ZNF594: variants seen among roughly 807,000 people sequenced by gnomAD.
ZNF594 encodes zinc finger protein 594, also known as zinc finger protein HZF18.
For synonymous variants in ZNF594, 336 were observed against 309.4 expected (o/e 1.09, Z -0.90); for missense variants, 1,037 against 964.6 (o/e 1.08, Z -0.99).
chr17:5,181,117 T>C lies in ZNF594; in HGVS notation c.*716A>G. On this transcript the variant is annotated 3_prime_UTR_variant, in exon 2 of 2. Transcript: ENST00000575779. ...TGACTGACAAGGTGTGAGTTCTGAC[T>C]GAAGGCCTTCCAACATTCAGGGCAT... is the stretch of plus-strand genomic sequence containing the variant. 1 of 1,560,136 alleles carries C rather than the reference T, an allele frequency of 6.4e-7. No individual in the cohort carries two copies. Among genetic ancestry groups the C allele is most frequent in the Non-Finnish European group, 8.8e-7 (1 of 1,135,794 alleles).
rs2074361478 is a variant in ZNF594, at chr17:5,183,304, C to T, written c.953G>A (p.Ser318Asn). Residue 318 changes from serine to asparagine, a missense_variant, in exon 2 of 2, where the codon AGT becomes AAT. Ser to Asn is a conservative substitution (Grantham distance 46). Transcript: ENST00000575779. Reference sequence around the variant, plus strand: ...GTGACATTCATAGGGTTTCTCTCCACTGTGGAGTCTCTGGTGTTCAGTAAG... The same window carrying T: ...GTGACATTCATAGGGTTTCTCTCCATTGTGGAGTCTCTGGTGTTCAGTAAG... ...SHLTEHQRLH[S>N]GEKPYECHRC... The T allele has an allele frequency of 6.2e-7, 1 of 1,613,936 alleles. No individual in the cohort carries two copies. Among genetic ancestry groups the T allele is most frequent in the African/African-American group, 1.3e-5 (1 of 74,926 alleles).
rs762548384 is a variant in ZNF594, at chr17:5,181,171, G to A, written c.*662C>T. 16 of 1,609,626 alleles carry A rather than the reference G, an allele frequency of 9.9e-6. No individual in the cohort carries two copies. Among genetic ancestry groups the A allele is most frequent in the East Asian group, 4.5e-5 (2 of 44,876 alleles). ...TAGGGTTTCTCTCCAGTATGAACAC[G>A]ATGGTGTCTAATAAGATCTGAGCTG... On this transcript the variant is annotated 3_prime_UTR_variant, in exon 2 of 2. Transcript: ENST00000575779.
At position 5,180,390 on chromosome 17, in the gene ZNF594, G is replaced by A. The variant is rs2074331035; in HGVS notation, c.*1443C>T. The A allele has an allele frequency of 6.5e-6, 1 of 154,054 alleles. No homozygotes were observed. Among genetic ancestry groups the A allele is most frequent in the African/African-American group, 2.4e-5 (1 of 41,416 alleles). The allele number at this position is 154,054 out of a possible 1,614,324, so 9.5% of individuals were successfully genotyped here. A position where few individuals can be genotyped will look rare whatever the true frequency, so the allele number is the denominator to read the frequency against. Reference sequence around the variant, plus strand: ...TGGCCTACACTCATTACTTTCACAGGGTTTTTTCCCACATTTAAACTTGTC... The same window carrying A: ...TGGCCTACACTCATTACTTTCACAGAGTTTTTTCCCACATTTAAACTTGTC... On this transcript the variant is annotated 3_prime_UTR_variant, in exon 2 of 2. Transcript: ENST00000575779.
chr17:5,183,785 TACAC>T lies in ZNF594; in HGVS notation c.468_471del (p.Cys157MetfsTer42), dbSNP rs2074367228. The T allele has an allele frequency of 6.2e-7, 1 of 1,614,146 alleles. No individual in the cohort carries two copies. The highest frequency in any genetic ancestry group is 8.5e-7 in the Non-Finnish European group (1 of 1,180,028). On this transcript the variant is annotated frameshift_variant, in exon 2 of 2. Coordinates refer to ENST00000575779, the MANE Select transcript of ZNF594 (RefSeq NM_032530.2). LOFTEE classifies it low-confidence loss of function (END_TRUNC). The stretch of plus-strand genomic sequence containing the variant: ...TGATTAGAGTCTTTCCCACATTCAT[TACAC>T]ACATATGGCTTATTTCCTGTATGAA...
intron 1 of ZNF594, among the ~76,000 whole-genome samples, chr17:5,186,708 C>T (rs2144257037): frequency 6.6e-6 from 1 of 152,356 alleles, no homozygotes; most frequent in South Asian, 2.1e-4. Context: ...CCAAGTCACA[C>T]CTTGAATGTT....
Position 5,183,548 on chromosome 17 carries a change from T to TC in ZNF594, c.708dup (p.Lys237GlufsTer7). On this transcript the variant is annotated frameshift_variant, in exon 2 of 2. Transcript: ENST00000575779. LOFTEE classifies it low-confidence loss of function (END_TRUNC). ...CCACATTTATTGCATAAATATGGCT[T>TC]CCCCCTACTGTGGATTCTCTGGTGC... is the stretch of plus-strand genomic sequence containing the variant. 1 of 1,614,200 alleles carries TC rather than the reference T, an allele frequency of 6.2e-7. No homozygotes were observed. Among genetic ancestry groups the TC allele is most frequent in the Non-Finnish European group, 8.5e-7 (1 of 1,180,038 alleles).
At chr17:5,176,215 G>C (rs772853743), downstream of ZNF594, among the ~76,000 whole-genome samples, 33 of 152,046 alleles carry the variant, frequency 2.2e-4, no homozygotes, top group Non-Finnish European at 4.4e-4. Context: ...GACCAATATG[G>C]AGAAACCCCG....
intron 1 of ZNF594, among the ~76,000 whole-genome samples, chr17:5,189,697 A>AT (rs984734474): frequency 2.7e-5 from 4 of 148,358 alleles, no homozygotes; most frequent in Non-Finnish European, 5.9e-5. Context: ...AGTTTAAATA[A>AT]TTTTTTTGTA....
chr17:5,181,360 A>G lies in ZNF594; in HGVS notation c.*473T>C. 5 of 1,612,964 alleles carry G rather than the reference A, an allele frequency of 3.1e-6. No homozygotes were observed. The highest frequency in any genetic ancestry group is 4.2e-6 in the Non-Finnish European group (5 of 1,179,036). ...GTTACCTGATGTCCGATGAGGTCTG[A>G]GCTGCCCTGGAAAGCCCTACCACAC... On this transcript the variant is annotated 3_prime_UTR_variant, in exon 2 of 2. Coordinates refer to ENST00000575779, the MANE Select transcript of ZNF594 (RefSeq NM_032530.2).
downstream of ZNF594, among the ~76,000 whole-genome samples, chr17:5,177,746 G>T (rs939010731): frequency 6.6e-6 from 1 of 152,174 alleles, no homozygotes; most frequent in South Asian, 2.1e-4. Flanking sequence ...TGAGGCTGGA[G>T]AATTGCTTGA....
chr17:5,184,041 G>A lies in ZNF594; in HGVS notation c.216C>T (p.Ile72=). The change falls in exon 2 of 2, where the codon ATC becomes ATT. Residue 72 remains isoleucine, a synonymous_variant. Coordinates refer to ENST00000575779, the MANE Select transcript of ZNF594 (RefSeq NM_032530.2). ...QESGIREMHI[I]PQKAIVGEIG... is the part of the protein sequence containing the mutation. ...TCTCTCCCACAATGGCTTTCTGGGG[G>A]ATAATATGCATTTCCCTGATACCGC... 2 of 1,614,134 alleles carry A rather than the reference G, an allele frequency of 1.2e-6. No homozygotes were observed. Among genetic ancestry groups the A allele is most frequent in the Non-Finnish European group, 1.7e-6 (2 of 1,180,032 alleles).
downstream of ZNF594, among the ~76,000 whole-genome samples, chr17:5,176,471 A>G (rs1303016148): frequency 3.3e-5 from 5 of 151,858 alleles, no homozygotes; most frequent in Non-Finnish European, 5.9e-5. Flanking sequence ...TAAGGAACAA[A>G]CAAACAGAAA....
intron 1 of ZNF594, chr17:5,191,294 C>CGA (rs2074422329): frequency 6.6e-6 from 1 of 152,232 alleles, no homozygotes; most frequent in South Asian, 2.1e-4. Flanking sequence ...TGTTTGAACT[C>CGA]TAACAGTCCT....
At chr17:5,184,423 G>A in intron 1 of ZNF594, 147 bp from the exon 2 acceptor site, 5 of 831,450 alleles carry the variant, frequency 6.0e-6, no homozygotes, top group Non-Finnish European at 9.1e-6. Flanking sequence ...GCGACACTGT[G>A]GCTAACACAG....
At position 5,181,450 on chromosome 17, in the gene ZNF594, T is replaced by G. The variant is rs761191586; in HGVS notation, c.*383A>C. The G allele has an allele frequency of 1.6e-5, 26 of 1,613,780 alleles. No individual in the cohort carries two copies. The African/African-American group carries it at 2.0e-4, about 12-fold the overall frequency. On this transcript the variant is annotated 3_prime_UTR_variant, in exon 2 of 2. Coordinates refer to ENST00000575779, the MANE Select transcript of ZNF594 (RefSeq NM_032530.2). ...TGCTCTCCCCTAAGCTCCTCATCCT[T>G]GCTGAAGGTTTTCTCACGTTCTTCA...
intron 1 of ZNF594, among the ~76,000 whole-genome samples, chr17:5,189,870 A>G (rs1567829257): frequency 6.6e-6 from 1 of 152,198 alleles, no homozygotes; most frequent in Non-Finnish European, 1.5e-5. Flanking sequence ...TGATTTGACA[A>G]TGCTGAGGAA....
chr17:5,183,388 G>T lies in ZNF594; in HGVS notation c.869C>A (p.Thr290Asn). Residue 290 changes from threonine (T) to asparagine (N), a missense_variant, in exon 2 of 2, where the codon ACT becomes AAT. By Grantham distance (65) the Thr-to-Asn change is moderately conservative. Coordinates refer to ENST00000575779, the MANE Select transcript of ZNF594 (RefSeq NM_032530.2). ...SHLVPHQRIH[T>N]GEKPLKCNEC... ...ATTACATTTGAGGGGTTTCTCTCCA[G>T]TGTGAATTCTCTGATGTGGGACAAG... The T allele has an allele frequency of 6.2e-7, 1 of 1,613,734 alleles. No individual in the cohort carries two copies. The highest frequency in any genetic ancestry group is 8.5e-7 in the Non-Finnish European group (1 of 1,180,034).
rs2074351245 is a variant in ZNF594, at chr17:5,182,484, T to C, written c.1773A>G (p.Thr591=). 1 of 1,613,864 alleles carries C rather than the reference T, an allele frequency of 6.2e-7. No individual in the cohort carries two copies. The highest frequency in any genetic ancestry group is 1.3e-5 in the African/African-American group (1 of 74,860). The change falls in exon 2 of 2, where the codon ACA becomes ACG. Residue 591 remains threonine (T), a synonymous_variant. Transcript: ENST00000575779. ...SDLIRHQVTH[T]REKPYECKEC... ...CTTTGCATTCATATGGTTTCTCTCT[T>C]GTATGAGTTACCTGATGTCTGATGA... is the stretch of plus-strand genomic sequence containing the variant.
chr17:5,174,356 C>CT, the ZNF594 span: 1 of 190,654 alleles, frequency 5.2e-6, no homozygotes, highest in South Asian at 1.9e-4. Flanking sequence ...TTCCATTACC[C>CT]TTTCTTCCTC....
Sources: allele counts gnomAD v4.1 joint callset (sites outside exome capture counted in the v4.1 genomes callset), GRCh38; gene constraint gnomAD v4.1.1; transcripts MANE v1.5; gene names NCBI Gene and HGNC (gene_info 2026-07-23, HGNC 2026-07-21).